The following UBE3B variants were observed in gnomAD, a reference collection of about 807,000 sequenced individuals.
The protein encoded by UBE3B is ubiquitin-protein ligase E3B.
UBE3B carries 80 observed loss-of-function variants against 132.3 expected under a neutral mutation model. That is an observed-to-expected ratio of 0.60 (90% CI 0.50 to 0.73). UBE3B has a LOEUF of 0.73. UBE3B is among the 30% of genes least tolerant of loss of function. UBE3B has a pLI of 0.00. For synonymous variants in UBE3B, 487 were observed against 520.4 expected (o/e 0.94, Z 0.87); for missense variants, 1,196 against 1,362.5 (o/e 0.88, Z 1.92).
intron 26 of UBE3B, among the ~76,000 whole-genome samples, chr12:109,531,231 G>A (rs535261568): frequency 1.3e-5 from 2 of 152,258 alleles, no homozygotes; most frequent in Admixed American, 6.5e-5. Context: ...AGTGGCTGAC[G>A]TTAACTGGTT....
chr12:109,510,586 G>A, intron 17 of UBE3B, 128 bp downstream of exon 17: 1 of 735,026 alleles, frequency 1.4e-6, no homozygotes, highest in South Asian at 1.7e-5. Context: ...CTGTTCATTT[G>A]TGTAAAGAGA....
chr12:109,514,898 C>T lies in UBE3B; in HGVS notation c.1957-1867C>T, dbSNP rs545011514. ...TGAACAGTAGTTCCTCCACTCAGTA[C>T]CATCCCCTTTCTTCTTCTTTTTTTT... On this transcript the variant is annotated intron_variant, in intron 18 of 27. Coordinates refer to ENST00000342494, the MANE Select transcript of UBE3B (RefSeq NM_130466.4). Among the ~76,000 whole-genome samples the T allele has an allele frequency of 3.4e-4, 51 of 152,022 alleles. No homozygotes were observed. In the East Asian group the frequency reaches 4.8e-3, roughly 14 times the overall value.
At chr12:109,489,870 T>G in intron 7 of UBE3B, 49 bp from the exon 8 acceptor site, 1 of 1,549,902 alleles carries the variant, frequency 6.5e-7, no homozygotes, top group Non-Finnish European at 8.9e-7. Context: ...CATAAACAGG[T>G]CACATTATGG....
chr12:109,485,920 A>C, intron 4 of UBE3B, 92 bp from the exon 5 acceptor site: 1 of 1,372,362 alleles, frequency 7.3e-7, no homozygotes, highest in Non-Finnish European at 1.0e-6. Flanking sequence ...TAATACCTGC[A>C]CGTGCCAGGT....
intron 15 of UBE3B, among the ~76,000 whole-genome samples, chr12:109,508,036 G>T (rs953077875): frequency 6.6e-6 from 1 of 152,184 alleles, no homozygotes. Flanking sequence ...TTTATTCACT[G>T]TGCTAGCTAG....
intron 13 of UBE3B, among the ~76,000 whole-genome samples, chr12:109,502,349 G>A (rs765731676): frequency 2.6e-5 from 4 of 152,150 alleles, no homozygotes; most frequent in Non-Finnish European, 5.9e-5. Context: ...CTTTCCTATC[G>A]CAGGGTCAGT....
chr12:109,485,647 T>C (rs770198036), intron 4 of UBE3B, among the ~76,000 whole-genome samples: 2 of 152,172 alleles, frequency 1.3e-5, no homozygotes, highest in African/African-American at 2.4e-5. Flanking sequence ...CCATGGTGCT[T>C]AAGAAAAGGT....
At chr12:109,499,857 A>G (rs1878737917) in intron 12 of UBE3B, 47 bp downstream of exon 12, 9 of 1,451,036 alleles carry the variant, frequency 6.2e-6, no homozygotes, top group Non-Finnish European at 6.4e-6. Flanking sequence ...CTCTCCCACC[A>G]TCTTCTTCTT....
In UBE3B at chr12:109,521,696, T is replaced by C. The variant is rs1034935795; in HGVS notation, c.2364+145T>C. On this transcript the variant is annotated intron_variant, in intron 21 of 27. Coordinates refer to ENST00000342494, the MANE Select transcript of UBE3B (RefSeq NM_130466.4). The surrounding 1 kb of genome is among the most constrained non-coding windows in gnomAD (Gnocchi z 4.2). ...GACAGGGGCAGGAACCAAGGTTTGTTGTACACCAGTGCTAGGTACTTTGCC... is the reference window on the plus strand; with the variant it reads ...GACAGGGGCAGGAACCAAGGTTTGTCGTACACCAGTGCTAGGTACTTTGCC... The C allele has an allele frequency of 3.0e-6, 2 of 665,508 alleles. No individual in the cohort carries two copies. The highest frequency in any genetic ancestry group is 3.2e-5 in the Admixed American group (1 of 31,194). The allele number at this position is 665,508 out of a possible 1,614,324, so 41.2% of individuals were successfully genotyped here.
intron 9 of UBE3B, among the ~76,000 whole-genome samples, chr12:109,497,231 G>A (rs1442071977): frequency 1.3e-5 from 2 of 151,658 alleles, no homozygotes; most frequent in Admixed American, 1.3e-4. Flanking sequence ...AACTTTATCT[G>A]TCCTCAATCT....
the UBE3B span, among the ~76,000 whole-genome samples, chr12:109,543,201 C>T: frequency 1.1e-4 from 17 of 152,362 alleles, no homozygotes; most frequent in African/African-American, 3.6e-4. Context: ...GTGCGTGTGG[C>T]TTGTCTGAAC....
intron 8 of UBE3B, 54 bp downstream of exon 8, chr12:109,490,058 C>T (rs1229227975): frequency 6.5e-7 from 1 of 1,548,360 alleles, no homozygotes; most frequent in East Asian, 2.2e-5. Flanking sequence ...AACACCTGCA[C>T]TTGGATTTTT....
chr12:109,528,657 C>A (rs1882624896), intron 24 of UBE3B: 1 of 209,040 alleles, frequency 4.8e-6, no homozygotes, highest in South Asian at 1.7e-4. Context: ...AGTTGAAGAC[C>A]AGCCTAGTCA....
chr12:109,488,626 A>G lies in UBE3B; in HGVS notation c.502A>G (p.Thr168Ala), dbSNP rs770252181. Residue 168 changes from threonine to alanine, a missense_variant, in exon 7 of 28, where the codon ACC becomes GCC. Transcript: ENST00000342494. ...LITLYLTMLV[T>A]FTDTSTWKIL... ...CACCCTGTACCTCACGATGCTTGTCACCTTCACAGACACTTCAACGTGGAA... is the reference window on the plus strand; with the variant it reads ...CACCCTGTACCTCACGATGCTTGTCGCCTTCACAGACACTTCAACGTGGAA... 1 of 1,614,140 alleles carries G rather than the reference A, an allele frequency of 6.2e-7. No homozygotes were observed. The highest frequency in any genetic ancestry group is 1.1e-5 in the South Asian group (1 of 91,080).
downstream of UBE3B, among the ~76,000 whole-genome samples, chr12:109,540,887 A>G (rs1037047639): frequency 4.2e-4 from 64 of 152,272 alleles, no homozygotes; most frequent in African/African-American, 1.5e-3. Context: ...GCTCAGAGCC[A>G]GAGCAGGTGG....
Position 109,536,456 on chromosome 12 carries a change from T to C in UBE3B, c.*1674T>C, listed in dbSNP as rs1883441222. ...TGAGGGACTGGGAGAGAGTGATTTATAAGCACCAATATCAACTTCATGTGG... is the reference window on the plus strand; with the variant it reads ...TGAGGGACTGGGAGAGAGTGATTTACAAGCACCAATATCAACTTCATGTGG... On this transcript the variant is annotated 3_prime_UTR_variant, in exon 28 of 28. Transcript: ENST00000342494. 1 of 151,484 alleles carries C rather than the reference T, an allele frequency of 6.6e-6. No homozygotes were observed. The highest frequency in any genetic ancestry group is 1.5e-5 in the Non-Finnish European group (1 of 67,930). 9.4% of individuals were successfully genotyped at this position (151,484 alleles called of 1,614,324 possible).
At chr12:109,538,561 C>G (rs1311960182), downstream of UBE3B, among the ~76,000 whole-genome samples, 1 of 152,248 alleles carries the variant, frequency 6.6e-6, no homozygotes, top group Non-Finnish European at 1.5e-5. This position sits in a 1 kb window ranked among gnomAD's most constrained non-coding sequence, Gnocchi z 4.1. Context: ...AGCGCAGCAC[C>G]TGGCACCAAG....
At chr12:109,488,539 G>A (rs1876893780) in intron 6 of UBE3B, 33 bp from the exon 7 acceptor site, 2 of 1,577,280 alleles carry the variant, frequency 1.3e-6, no homozygotes, top group African/African-American at 1.3e-5. Context: ...CAGAAGACGT[G>A]TGTCTTAATC....
chr12:109,497,433 G>A (rs1878354437), intron 9 of UBE3B, among the ~76,000 whole-genome samples: 1 of 152,006 alleles, frequency 6.6e-6, no homozygotes, highest in African/African-American at 2.4e-5. Flanking sequence ...AACACACCTG[G>A]GTAAGCACCA....
Sources: allele counts gnomAD v4.1 joint callset (sites outside exome capture counted in the v4.1 genomes callset), GRCh38; gene constraint gnomAD v4.1.1; non-coding constraint Gnocchi (gnomAD v3.1); transcripts MANE v1.5; gene names NCBI Gene and HGNC (gene_info 2026-07-23, HGNC 2026-07-21).